Variants in GRIA1 observed in about 807,000 individuals in gnomAD.
The protein encoded by GRIA1 is glutamate ionotropic receptor AMPA type subunit 1, also known as glutamate receptor 1.
GRIA1 carries 31 observed loss-of-function variants against 99.2 expected under a neutral mutation model. The ratio of observed to expected loss-of-function variants is 0.31; its 90% CI spans 0.23 to 0.42. The LOEUF (loss-of-function observed/expected upper bound fraction) is 0.42. Among genes scored for constraint, GRIA1 ranks in the 10% least tolerant of loss-of-function variants. GRIA1 has a pLI of 1.00. For synonymous variants in GRIA1, 438 were observed against 432.4 expected, an observed-to-expected ratio of 1.01 and a Z score of -0.16; for missense variants, 782 against 1,157.5, an observed-to-expected ratio of 0.68 and a Z score of 4.71.
intron 4 of GRIA1, among the ~76,000 whole-genome samples, chr5:153,655,493 C>A (rs1323079602): frequency 6.6e-6 from 1 of 152,308 alleles, no homozygotes; most frequent in Non-Finnish European, 1.5e-5. Flanking sequence ...ACGCAGTGAG[C>A]ATTTCAGATG....
chr5:153,610,646 A>T (rs1405201259), intron 2 of GRIA1, among the ~76,000 whole-genome samples: 3 of 152,192 alleles, frequency 2.0e-5, no homozygotes, highest in Non-Finnish European at 4.4e-5. Flanking sequence ...TCCTTATTCT[A>T]CTATTTATTA....
chr5:153,738,185 A>G (rs910324002), intron 11 of GRIA1, among the ~76,000 whole-genome samples: 1 of 152,212 alleles, frequency 6.6e-6, no homozygotes. Context: ...TGTGGATGTC[A>G]TTGTCCAGGG....
chr5:153,688,437 T>G (rs1399519978), intron 8 of GRIA1, among the ~76,000 whole-genome samples: 2 of 152,210 alleles, frequency 1.3e-5, no homozygotes, highest in Non-Finnish European at 2.9e-5. Flanking sequence ...AGACATTTGC[T>G]AGGTCACTTA....
At chr5:153,650,847 T>C (rs1052248870) in intron 4 of GRIA1, among the ~76,000 whole-genome samples, 1 of 137,102 alleles carries the variant, frequency 7.3e-6, no homozygotes, top group Non-Finnish European at 1.5e-5. Context: ...TCACCTGAGG[T>C]CAGGAGTTCA....
rs968921832 is a variant in GRIA1, at chr5:153,813,191, G to T, written c.*1966G>T. 1 of 152,182 alleles carries T rather than the reference G, an allele frequency of 6.6e-6. No homozygotes were observed. Among genetic ancestry groups the T allele is most frequent in the East Asian group, 1.9e-4 (1 of 5,198 alleles). The allele number at this position is 152,182 out of a possible 1,614,324, so 9.4% of individuals were successfully genotyped here. On this transcript the variant is annotated 3_prime_UTR_variant, in exon 16 of 16. Transcript: ENST00000285900. ...TTCATGAAACCGGACCCTCAAGATGGATGATTGCTTTTAACTACTGCCAGC... is the reference window on the plus strand; with the variant it reads ...TTCATGAAACCGGACCCTCAAGATGTATGATTGCTTTTAACTACTGCCAGC...
chr5:153,800,438 C>A (rs902492954), intron 14 of GRIA1, among the ~76,000 whole-genome samples: 4 of 152,236 alleles, frequency 2.6e-5, no homozygotes, highest in African/African-American at 4.8e-5. Context: ...GTTCAGCCAA[C>A]TCTTGAACCA....
chr5:153,500,561 T>C (rs979910658), intron 2 of GRIA1, among the ~76,000 whole-genome samples: 13 of 137,102 alleles, frequency 9.5e-5, no homozygotes, highest in African/African-American at 3.5e-4. Context: ...AAACCAAATC[T>C]GCCTCTCTTT....
At chr5:153,506,886 G>T (rs934977428) in intron 2 of GRIA1, among the ~76,000 whole-genome samples, 17 of 152,236 alleles carry the variant, frequency 1.1e-4, no homozygotes, top group South Asian at 2.1e-4. Flanking sequence ...ACTTTGGGAG[G>T]CCAAGGCGGG....
intron 5 of GRIA1, among the ~76,000 whole-genome samples, chr5:153,662,161 T>C (rs1755416621): frequency 6.6e-6 from 1 of 152,216 alleles, no homozygotes; most frequent in African/African-American, 2.4e-5. Flanking sequence ...TACTCTTTGG[T>C]GTTTGCACCT....
At chr5:153,559,411 G>A (rs905335621) in intron 2 of GRIA1, among the ~76,000 whole-genome samples, 2 of 152,134 alleles carry the variant, frequency 1.3e-5, no homozygotes, top group East Asian at 1.9e-4. Context: ...TCAGAAGTTC[G>A]CTTTCCAGAC....
In GRIA1 at chr5:153,490,897, C is replaced by T. The variant is rs1221074226; in HGVS notation, c.9C>T (p.His3=). Residue 3 remains histidine (H), a synonymous_variant, in exon 1 of 16, where the codon CAC becomes CAT. Coordinates refer to ENST00000285900, the MANE Select transcript of GRIA1 (RefSeq NM_000827.4). ...CCAATGCAAAAAGGAATATGCAGCA[C>T]ATTTTTGCCTTCTTCTGCACCGGTT... The part of the protein sequence containing the change: MQ[H]IFAFFCTGFL... 1.2e-6 allele frequency: 2 copies of T among 1,613,856 alleles called. No individual in the cohort carries two copies. Among genetic ancestry groups the T allele is most frequent in the Non-Finnish European group, 1.7e-6 (2 of 1,179,776 alleles).
intron 12 of GRIA1, 128 bp from the exon 13 acceptor site, chr5:153,770,040 A>G (rs940306666): frequency 2.2e-6 from 2 of 904,114 alleles, no homozygotes; most frequent in African/African-American, 3.3e-5. Context: ...ATCACTCATA[A>G]TTTGTTTCTT....
At chr5:153,555,224 A>T (rs890133848) in intron 2 of GRIA1, among the ~76,000 whole-genome samples, 1 of 151,720 alleles carries the variant, frequency 6.6e-6, no homozygotes, top group Non-Finnish European at 1.5e-5. Flanking sequence ...AGAACCAATA[A>T]TGATCTCTTT....
At chr5:153,576,581 A>G (rs1020871682) in intron 2 of GRIA1, among the ~76,000 whole-genome samples, 1 of 152,232 alleles carries the variant, frequency 6.6e-6, no homozygotes, top group Non-Finnish European at 1.5e-5. Flanking sequence ...AATAAATCAC[A>G]TCACAGATAC....
chr5:153,739,071 C>T (rs1303548527), intron 11 of GRIA1, among the ~76,000 whole-genome samples: 3 of 136,974 alleles, frequency 2.2e-5, no homozygotes, highest in Non-Finnish European at 3.1e-5. Flanking sequence ...CTCCATTCTG[C>T]AAGGCAGGGA....
intron 2 of GRIA1, among the ~76,000 whole-genome samples, chr5:153,580,049 G>T (rs972973608): frequency 2.6e-5 from 4 of 152,094 alleles, no homozygotes; most frequent in Non-Finnish European, 5.9e-5. Context: ...AGCCCACTTG[G>T]GCAGGTGAGT....
At chr5:153,614,360 A>G (rs1766279124) in intron 2 of GRIA1, among the ~76,000 whole-genome samples, 1 of 152,206 alleles carries the variant, frequency 6.6e-6, no homozygotes, top group Non-Finnish European at 1.5e-5. Context: ...GTTAGCAATC[A>G]TAAAGTGACA....
chr5:153,490,735 A>G lies in GRIA1; in HGVS notation c.-154A>G, dbSNP rs1394417024. 2 of 722,120 alleles carry G rather than the reference A, an allele frequency of 2.8e-6. No homozygotes were observed. The highest frequency in any genetic ancestry group is 3.5e-5 in the African/African-American group (2 of 57,168). The allele number at this position is 722,120 out of a possible 1,614,324, so 44.7% of individuals were successfully genotyped here. The stretch of plus-strand genomic sequence containing the variant: ...AGTGTTCGGATTCCAAGGGAAACAG[A>G]CAAACCTCACGAAAGGAAGGAAGCA... On this transcript the variant is annotated 5_prime_UTR_variant, in exon 1 of 16. Coordinates refer to ENST00000285900, the MANE Select transcript of GRIA1 (RefSeq NM_000827.4).
At chr5:153,797,493 C>T (rs2963998) in intron 14 of GRIA1, among the ~76,000 whole-genome samples, 94,265 of 152,078 alleles carry the variant, frequency 0.62, 30,219 homozygotes, top group East Asian at 0.94. Flanking sequence ...TTTCCCAACA[C>T]ACAAGGCCCC....
Sources: gnomAD v4.1 joint callset for allele counts (sites outside exome capture counted in the v4.1 genomes callset) on GRCh38, gnomAD v4.1.1 for gene constraint, MANE v1.5 for transcripts, NCBI Gene and HGNC (gene_info 2026-07-23, HGNC 2026-07-21) for gene names.